ALG9: variants seen among roughly 807,000 people sequenced by gnomAD.
ALG9 encodes ALG9 alpha-1,2-mannosyltransferase.
ALG9 carries 55 observed loss-of-function variants against 81.8 expected under a neutral mutation model. The ratio of observed to expected loss-of-function variants is 0.67; its 90% CI spans 0.54 to 0.84. The LOEUF (loss-of-function observed/expected upper bound fraction) is 0.84. ALG9 is among the 40% of genes least tolerant of loss of function. The pLI, the probability that ALG9 is intolerant of heterozygous loss-of-function variation, is 0.00. For missense variants in ALG9, 629 were observed against 745.0 expected, an observed-to-expected ratio of 0.84 and a Z score of 1.81; for synonymous variants, 278 against 274.3, an observed-to-expected ratio of 1.01 and a Z score of -0.13.
At chr11:111,773,364 C>A in the ALG9 span, among the ~76,000 whole-genome samples, 2 of 152,136 alleles carry the variant, frequency 1.3e-5, no homozygotes, top group Non-Finnish European at 2.9e-5. Context: ...TCTGCCTCAG[C>A]CTCCCAAGTA....
At chr11:111,815,908 A>G (rs1951400597) in intron 13 of ALG9, among the ~76,000 whole-genome samples, 1 of 152,224 alleles carries the variant, frequency 6.6e-6, no homozygotes, top group Non-Finnish European at 1.5e-5. Flanking sequence ...CATTAAAATA[A>G]ATTATCCTTG....
chr11:111,850,706 CAAA>C (rs782114013), intron 8 of ALG9, among the ~76,000 whole-genome samples: 6 of 66,684 alleles, frequency 9.0e-5, no homozygotes, highest in South Asian at 7.4e-4. Flanking sequence ...GATACTGTCT[CAAA>C]AAAAAAAAAA....
intron 12 of ALG9, among the ~76,000 whole-genome samples, chr11:111,836,934 T>C (rs185527467): frequency 2.0e-5 from 3 of 152,304 alleles, no homozygotes; most frequent in Admixed American, 6.5e-5. Context: ...ACAGGACTCT[T>C]CTCTGGCCAA....
At chr11:111,827,267 G>A (rs1555109381) in intron 13 of ALG9, among the ~76,000 whole-genome samples, 6 of 151,860 alleles carry the variant, frequency 4.0e-5, no homozygotes, top group Admixed American at 1.3e-4. Flanking sequence ...AACTGAGGTC[G>A]GGAGTTTGAG....
chr11:111,787,462 TATTTC>T (rs1370323840), intron 14 of ALG9, among the ~76,000 whole-genome samples: 27 of 152,138 alleles, frequency 1.8e-4, no homozygotes, highest in African/African-American at 6.5e-4. Context: ...AAAATTATTT[TATTTC>T]TTTTTTTGAG....
the ALG9 span, among the ~76,000 whole-genome samples, chr11:111,775,458 T>G: frequency 2.2e-4 from 34 of 152,202 alleles, no homozygotes; most frequent in Admixed American, 1.4e-3. Flanking sequence ...CTCTCTGATT[T>G]AGCTATGTGG....
chr11:111,812,032 G>A (rs1555091950), intron 13 of ALG9, among the ~76,000 whole-genome samples: 1 of 152,026 alleles, frequency 6.6e-6, no homozygotes, highest in Non-Finnish European at 1.5e-5. Flanking sequence ...ACATTAAAAT[G>A]GTGAATTTTA....
Position 111,783,972 on chromosome 11 carries a change from C to T in ALG9, c.*2425G>A, listed in dbSNP as rs1220559197. On this transcript the variant is annotated 3_prime_UTR_variant, in exon 15 of 15. Transcript: ENST00000616540. The stretch of plus-strand genomic sequence containing the variant: ...ACAAAACAGATAAAACAGCATTATA[C>T]TACTTTGATTAGAAAAAAGCCATTC... 2 of 150,808 alleles carry T rather than the reference C, an allele frequency of 1.3e-5. No individual in the cohort carries two copies. Among genetic ancestry groups the T allele is most frequent in the African/African-American group, 2.4e-5 (1 of 41,074 alleles). The allele number at this position is 150,808 out of a possible 1,614,324, so 9.3% of individuals were successfully genotyped here.
At chr11:111,774,069 TA>T in the ALG9 span, among the ~76,000 whole-genome samples, 15,482 of 69,748 alleles carry the variant, frequency 0.22, 1,026 homozygotes, top group Non-Finnish European at 0.25. Context: ...CATATCTTAT[TA>T]AAAAAAAAAA....
chr11:111,773,387 G>A, the ALG9 span, among the ~76,000 whole-genome samples: 1 of 152,114 alleles, frequency 6.6e-6, no homozygotes, highest in Non-Finnish European at 1.5e-5. Flanking sequence ...TGGGACTACA[G>A]GCATGTGCCA....
chr11:111,776,468 A>G, the ALG9 span, among the ~76,000 whole-genome samples: 2 of 152,088 alleles, frequency 1.3e-5, no homozygotes, highest in South Asian at 4.2e-4. Context: ...CGTACCTGTA[A>G]TCCCAGCTAC....
chr11:111,806,525 C>T (rs901031834), intron 14 of ALG9, among the ~76,000 whole-genome samples: 1 of 152,202 alleles, frequency 6.6e-6, no homozygotes, highest in African/African-American at 2.4e-5. Context: ...GGGTTTCCTA[C>T]TACTTTACTG....
In ALG9 at chr11:111,832,384, C is replaced by T. The variant is rs531288641; in HGVS notation, c.1602+3781G>A. 3.3e-5 allele frequency among the ~76,000 whole-genome samples: 5 copies of T among 152,178 alleles called. No homozygotes were observed. The East Asian group carries it at 9.6e-4, about 29-fold the overall frequency. Reference sequence around the variant, plus strand: ...CTCAAACTCCTGGGCTCAAGCAGTCCTCTCACCTCAGCCTTTGAGTAGTTA... The same window carrying T: ...CTCAAACTCCTGGGCTCAAGCAGTCTTCTCACCTCAGCCTTTGAGTAGTTA... On this transcript the variant is annotated intron_variant, in intron 13 of 14. Coordinates refer to ENST00000616540, the MANE Select transcript of ALG9 (RefSeq NM_024740.2).
At chr11:111,774,247 A>G in the ALG9 span, among the ~76,000 whole-genome samples, 1 of 151,886 alleles carries the variant, frequency 6.6e-6, no homozygotes, top group Non-Finnish European at 1.5e-5. Flanking sequence ...GTGGTGGCGC[A>G]TGCCTGTAAT....
At chr11:111,857,138 G>A (rs1566167558) in intron 6 of ALG9, among the ~76,000 whole-genome samples, 1 of 152,068 alleles carries the variant, frequency 6.6e-6, no homozygotes, top group Non-Finnish European at 1.5e-5. Flanking sequence ...AATAAAGAAA[G>A]AAGGAAGACG....
chr11:111,834,799 T>G (rs547769253), intron 13 of ALG9, among the ~76,000 whole-genome samples: 2 of 152,334 alleles, frequency 1.3e-5, no homozygotes, highest in South Asian at 4.2e-4. Flanking sequence ...AGGAGACTCA[T>G]ATCTGCAGAT....
At chr11:111,777,052 G>A in the ALG9 span, among the ~76,000 whole-genome samples, 1 of 152,138 alleles carries the variant, frequency 6.6e-6, no homozygotes, top group South Asian at 2.1e-4. Flanking sequence ...GTAAAGTTAG[G>A]ACTTTGTATG....
At chr11:111,804,453 T>C (rs1949630660) in intron 14 of ALG9, among the ~76,000 whole-genome samples, 1 of 152,118 alleles carries the variant, frequency 6.6e-6, no homozygotes, top group South Asian at 2.1e-4. Flanking sequence ...AGACTGGGTG[T>C]GGTGGCTCAT....
intron 8 of ALG9, among the ~76,000 whole-genome samples, chr11:111,849,301 T>C (rs1280642463): frequency 6.6e-6 from 1 of 152,142 alleles, no homozygotes; most frequent in Non-Finnish European, 1.5e-5. Flanking sequence ...TCCACTCACC[T>C]CGGCCTCCCA....
Sources: allele counts gnomAD v4.1 joint callset (sites outside exome capture counted in the v4.1 genomes callset), GRCh38; gene constraint gnomAD v4.1.1; transcripts MANE v1.5; gene names NCBI Gene and HGNC (gene_info 2026-07-23, HGNC 2026-07-21).